The following LRP1B variants were observed in gnomAD, a reference collection of about 807,000 sequenced individuals.
LRP1B encodes low-density lipoprotein receptor-related protein 1B.
LRP1B carries 217 observed loss-of-function variants against 556.6 expected under a neutral mutation model. The observed-to-expected ratio is 0.39, with a 90% confidence interval of 0.35 to 0.44. The LOEUF (loss-of-function observed/expected upper bound fraction) is 0.44, where lower values mean the gene tolerates loss of function less well. LRP1B is among the 20% of genes least tolerant of loss of function. The pLI is 1.00. For missense variants in LRP1B, 5,053 were observed against 5,620.8 expected (o/e 0.90, Z 3.23); for synonymous variants, 2,047 against 1,865.8 (o/e 1.10, Z -2.50).
At chr2:140,858,431 T>C (rs1483466532) in intron 27 of LRP1B, among the ~76,000 whole-genome samples, 1 of 150,602 alleles carries the variant, frequency 6.6e-6, no homozygotes, top group African/African-American at 2.4e-5. Context: ...TGTACGTGTA[T>C]AACCTCTATC....
intron 1 of LRP1B, among the ~76,000 whole-genome samples, chr2:141,951,575 T>C (rs1701106824): frequency 6.6e-6 from 1 of 152,170 alleles, no homozygotes; most frequent in African/African-American, 2.4e-5. Context: ...TAGTATAATA[T>C]ATAAGAACTA....
intron 31 of LRP1B, among the ~76,000 whole-genome samples, chr2:140,837,952 A>G (rs118141298): frequency 6.6e-6 from 1 of 152,170 alleles, no homozygotes; most frequent in East Asian, 1.9e-4. Flanking sequence ...ATTAAAAAAA[A>G]ATATATCACT....
intron 7 of LRP1B, among the ~76,000 whole-genome samples, chr2:141,074,636 T>TTA (rs1327543804): frequency 8.8e-5 from 3 of 34,232 alleles, no homozygotes; most frequent in Admixed American, 3.2e-4. Context: ...AACACATATA[T>TTA]TACATATATA....
chr2:141,534,026 C>G (rs919648936), intron 2 of LRP1B, among the ~76,000 whole-genome samples: 1 of 145,604 alleles, frequency 6.9e-6, no homozygotes, highest in Non-Finnish European at 1.5e-5. Context: ...CATACACACA[C>G]GAGAGAGAAG....
At chr2:141,321,538 C>G (rs1176451831) in intron 3 of LRP1B, among the ~76,000 whole-genome samples, 1 of 152,006 alleles carries the variant, frequency 6.6e-6, no homozygotes, top group Non-Finnish European at 1.5e-5. Flanking sequence ...CGCTCATATT[C>G]CTATTACTGA....
chr2:141,079,024 T>C (rs1355525086), intron 7 of LRP1B, among the ~76,000 whole-genome samples: 4 of 152,192 alleles, frequency 2.6e-5, no homozygotes, highest in African/African-American at 9.6e-5. Context: ...GGTCTCTTAA[T>C]GTATGAAAAT....
intron 60 of LRP1B, among the ~76,000 whole-genome samples, chr2:140,466,124 CTTTTT>C (rs74381027): frequency 1.6e-5 from 2 of 125,716 alleles, no homozygotes; most frequent in Non-Finnish European, 3.4e-5. Context: ...TTTCTTTTTT[CTTTTT>C]TTTTTTTTTT....
intron 4 of LRP1B, among the ~76,000 whole-genome samples, chr2:141,253,280 T>A (rs421017): frequency 0.22 from 32,776 of 152,112 alleles, 3,623 homozygotes; most frequent in South Asian, 0.25. Context: ...TGAACTTTTG[T>A]GTGCAATTTT....
At chr2:141,037,504 A>C (rs948151135) in intron 11 of LRP1B, among the ~76,000 whole-genome samples, 4 of 151,938 alleles carry the variant, frequency 2.6e-5, no homozygotes, top group African/African-American at 9.7e-5. Flanking sequence ...ACGTCTCAGA[A>C]TGTCTCACTT....
intron 18 of LRP1B, among the ~76,000 whole-genome samples, chr2:140,970,602 G>C (rs913799268): frequency 2.0e-5 from 3 of 151,006 alleles, no homozygotes; most frequent in African/African-American, 7.4e-5. Context: ...GAAATCACCT[G>C]TTTTCTGCAT....
chr2:141,646,299 T>C (rs1689561712), intron 2 of LRP1B, among the ~76,000 whole-genome samples: 1 of 152,116 alleles, frequency 6.6e-6, no homozygotes, highest in South Asian at 2.1e-4. Context: ...TAGAGAGATA[T>C]AATTCATTAC....
intron 31 of LRP1B, among the ~76,000 whole-genome samples, chr2:140,831,549 G>A (rs80188405): frequency 0.047 from 7,168 of 152,180 alleles, 190 homozygotes; most frequent in Middle Eastern, 0.092. Flanking sequence ...TTGAATCTAA[G>A]ATGTAAAACT....
intron 23 of LRP1B, among the ~76,000 whole-genome samples, chr2:140,888,603 A>G (rs1166881175): frequency 6.6e-6 from 1 of 151,998 alleles, no homozygotes; most frequent in Non-Finnish European, 1.5e-5. Context: ...ATGCATTTTA[A>G]TAATACACTT....
intron 1 of LRP1B, among the ~76,000 whole-genome samples, chr2:142,044,742 A>C (rs1303490124): frequency 6.6e-6 from 1 of 151,492 alleles, no homozygotes; most frequent in African/African-American, 2.4e-5. Flanking sequence ...ATCAAGGGGC[A>C]TTCTGATACA....
chr2:140,965,817 T>TC (rs1553438398), intron 18 of LRP1B, among the ~76,000 whole-genome samples: 2 of 151,040 alleles, frequency 1.3e-5, no homozygotes, highest in Non-Finnish European at 3.0e-5. Context: ...TTTTTTTTTT[T>TC]CCCTGCAATA....
chr2:141,611,499 TGAG>T (rs1688107242), intron 2 of LRP1B, among the ~76,000 whole-genome samples: 1 of 152,046 alleles, frequency 6.6e-6, no homozygotes, highest in Non-Finnish European at 1.5e-5. Flanking sequence ...TATTGAAACC[TGAG>T]AAGAAAAGAG....
At chr2:141,344,307 A>G (rs1331540178) in intron 3 of LRP1B, among the ~76,000 whole-genome samples, 3 of 152,170 alleles carry the variant, frequency 2.0e-5, no homozygotes, top group African/African-American at 4.8e-5. Flanking sequence ...AGGGTCCTAC[A>G]TAACAAGGTC....
chr2:141,080,279 C>T (rs1033920468), intron 7 of LRP1B, among the ~76,000 whole-genome samples: 5 of 152,250 alleles, frequency 3.3e-5, no homozygotes, highest in Admixed American at 1.3e-4. Context: ...TTGGTGTTTT[C>T]TCTGAAATTC....
At chr2:141,969,985 G>A (rs111251240) in intron 1 of LRP1B, among the ~76,000 whole-genome samples, 2,385 of 151,492 alleles carry the variant, frequency 0.016, 62 homozygotes, top group African/African-American at 0.055. Context: ...ACATGTGTGA[G>A]CTGATATCTC....
Sources: allele counts gnomAD v4.1 joint callset (sites outside exome capture counted in the v4.1 genomes callset), GRCh38; gene constraint gnomAD v4.1.1; transcripts MANE v1.5; gene names NCBI Gene and HGNC (gene_info 2026-07-23, HGNC 2026-07-21).